The following NELL1 variants were observed in gnomAD, a reference collection of about 807,000 sequenced individuals.
The protein encoded by NELL1 is protein kinase C-binding protein NELL1.
A neutral mutation model predicts 107.4 loss-of-function variants in NELL1; 76 were observed. The ratio of observed to expected loss-of-function variants is 0.71; its 90% CI spans 0.59 to 0.86. The LOEUF (loss-of-function observed/expected upper bound fraction) is 0.86. NELL1 is among the 40% of genes least tolerant of loss of function. The probability of loss-of-function intolerance (pLI) is 0.00; values close to 1 mark genes in which losing one functional copy is unlikely to be tolerated. For missense variants in NELL1, 1,024 were observed against 1,005.5 expected (o/e 1.02, Z -0.25); for synonymous variants, 353 against 341.2 (o/e 1.03, Z -0.38).
intron 15 of NELL1, among the ~76,000 whole-genome samples, chr11:21,442,139 T>C (rs1853301214): frequency 6.6e-6 from 1 of 152,192 alleles, no homozygotes; most frequent in Non-Finnish European, 1.5e-5. Flanking sequence ...TTACAGCATT[T>C]ACCTAATCAC....
At chr11:20,971,481 C>CTATA (rs1370343423) in intron 12 of NELL1, among the ~76,000 whole-genome samples, 1 of 152,108 alleles carries the variant, frequency 6.6e-6, no homozygotes, top group Non-Finnish European at 1.5e-5. Flanking sequence ...TACCTTTCAA[C>CTATA]TATCTCTAAG....
intron 13 of NELL1, among the ~76,000 whole-genome samples, chr11:21,141,825 A>T (rs374429863): frequency 6.6e-6 from 1 of 151,900 alleles, no homozygotes; most frequent in Non-Finnish European, 1.5e-5. Flanking sequence ...TTGCAATGGC[A>T]TGATCTCGGC....
intron 3 of NELL1, among the ~76,000 whole-genome samples, chr11:20,794,837 T>A (rs185303711): frequency 6.6e-6 from 1 of 152,208 alleles, no homozygotes; most frequent in East Asian, 1.9e-4. Context: ...CCAAACCTGG[T>A]AATGTTCGAT....
At chr11:21,111,728 A>C (rs1389831340) in intron 12 of NELL1, among the ~76,000 whole-genome samples, 2 of 152,106 alleles carry the variant, frequency 1.3e-5, no homozygotes, top group African/African-American at 4.8e-5. Context: ...ATGATCAATC[A>C]TGAGATTAAT....
chr11:21,333,464 T>C (rs952365408), intron 14 of NELL1, among the ~76,000 whole-genome samples: 2 of 152,106 alleles, frequency 1.3e-5, no homozygotes, highest in Non-Finnish European at 2.9e-5. Context: ...TAGACAAGGA[T>C]GAAGTCATAT....
intron 15 of NELL1, among the ~76,000 whole-genome samples, chr11:21,491,724 A>T (rs538403239): frequency 6.6e-6 from 1 of 152,180 alleles, no homozygotes; most frequent in African/African-American, 2.4e-5. Context: ...GTTTTTTCCA[A>T]TTCTCTGAAG....
chr11:20,819,529 A>G (rs1173350722), intron 3 of NELL1, among the ~76,000 whole-genome samples: 1 of 152,224 alleles, frequency 6.6e-6, no homozygotes, highest in Non-Finnish European at 1.5e-5. Flanking sequence ...AGAGGCAGAA[A>G]GGGGGCTGGA....
At chr11:20,977,580 G>C (rs557497932) in intron 12 of NELL1, among the ~76,000 whole-genome samples, 1 of 152,206 alleles carries the variant, frequency 6.6e-6, no homozygotes, top group East Asian at 1.9e-4. Flanking sequence ...TTAAATCTTA[G>C]TCCAGATTAG....
chr11:20,935,979 T>C (rs16907072), intron 9 of NELL1, among the ~76,000 whole-genome samples: 14,544 of 151,338 alleles, frequency 0.096, 770 homozygotes, highest in Middle Eastern at 0.13. Flanking sequence ...GGGTGGGGAG[T>C]GAGGTTGCTG....
intron 14 of NELL1, among the ~76,000 whole-genome samples, chr11:21,328,891 AT>A (rs1850208483): frequency 6.6e-6 from 1 of 152,072 alleles, no homozygotes; most frequent in South Asian, 2.1e-4. Flanking sequence ...TAATGGGTGT[AT>A]TTACCCAATG....
intron 16 of NELL1, among the ~76,000 whole-genome samples, chr11:21,547,215 T>A (rs563448200): frequency 1.3e-5 from 2 of 152,086 alleles, no homozygotes; most frequent in South Asian, 4.1e-4. Context: ...TTGCACCAGG[T>A]CTATTGAATG....
intron 13 of NELL1, among the ~76,000 whole-genome samples, chr11:21,209,119 C>T (rs1190173936): frequency 6.6e-6 from 1 of 152,058 alleles, no homozygotes; most frequent in African/African-American, 2.4e-5. Flanking sequence ...GATTCTGGCA[C>T]ATAACGGGTT....
intron 12 of NELL1, among the ~76,000 whole-genome samples, chr11:20,992,708 C>CGTTTT (rs1852001374): frequency 9.5e-6 from 1 of 104,954 alleles, no homozygotes; most frequent in Middle Eastern, 6.6e-3. Flanking sequence ...GCAAAAGTGG[C>CGTTTT]ATTTTTTTTT....
At chr11:21,567,609 T>A (rs1221502720) in intron 17 of NELL1, among the ~76,000 whole-genome samples, 3 of 151,852 alleles carry the variant, frequency 2.0e-5, no homozygotes, top group Admixed American at 6.6e-5. Flanking sequence ...AGCTGGCATG[T>A]CTCCTTTCCA....
At chr11:21,555,088 G>A (rs79158002) in intron 16 of NELL1, among the ~76,000 whole-genome samples, 1,882 of 151,964 alleles carry the variant, frequency 0.012, 40 homozygotes, top group East Asian at 0.077. Flanking sequence ...TGGCTTCTTT[G>A]CCCATTGTAT....
chr11:21,535,385 T>C (rs1007973519), intron 16 of NELL1, among the ~76,000 whole-genome samples: 2 of 152,156 alleles, frequency 1.3e-5, no homozygotes, highest in Non-Finnish European at 2.9e-5. Flanking sequence ...AATTAGAAAG[T>C]GGGAATTTGA....
At chr11:21,538,290 A>C (rs1856191764) in intron 16 of NELL1, among the ~76,000 whole-genome samples, 1 of 152,122 alleles carries the variant, frequency 6.6e-6, no homozygotes, top group African/African-American at 2.4e-5. Context: ...TACTGATTTT[A>C]TCCATTATTG....
chr11:21,081,316 C>A (rs1854263564), intron 12 of NELL1, among the ~76,000 whole-genome samples: 1 of 152,106 alleles, frequency 6.6e-6, no homozygotes, highest in South Asian at 2.1e-4. Context: ...ATAATCTTTG[C>A]AGGCTCCTGT....
chr11:21,123,360 T>TGC (rs1413007630), intron 13 of NELL1, among the ~76,000 whole-genome samples: 3 of 135,906 alleles, frequency 2.2e-5, no homozygotes, highest in Non-Finnish European at 4.9e-5. Context: ...TGTGTGTGTG[T>TGC]GTGTGTGCGT....
Sources: gnomAD v4.1 joint callset for allele counts (sites outside exome capture counted in the v4.1 genomes callset) on GRCh38, gnomAD v4.1.1 for gene constraint, MANE v1.5 for transcripts, NCBI Gene and HGNC (gene_info 2026-07-23, HGNC 2026-07-21) for gene names.